CCDC3: variants seen among roughly 807,000 people sequenced by gnomAD.
CCDC3 encodes coiled-coil domain-containing protein 3.
A neutral mutation model predicts 21.4 loss-of-function variants in CCDC3; 24 were observed. The ratio of observed to expected loss-of-function variants is 1.12; its 90% confidence interval spans 0.81 to 1.58. The LOEUF is 1.58. CCDC3 is among the 40% of genes most tolerant of loss of function. CCDC3 has a pLI of 0.00. For missense variants in CCDC3, 425 were observed against 360.9 expected (o/e 1.18, Z -1.44); for synonymous variants, 186 against 166.0 (o/e 1.12, Z -0.93).
intron 5 of CCDC3, among the ~76,000 whole-genome samples, chr10:13,027,705 C>T (rs1456447285): frequency 8.7e-6 from 1 of 115,260 alleles, no homozygotes; most frequent in Non-Finnish European, 1.8e-5. Flanking sequence ...AGTGAGACTC[C>T]AATTCAAAAA....
chr10:12,932,750 G>A (rs146789012), intron 2 of CCDC3, among the ~76,000 whole-genome samples: 25 of 152,196 alleles, frequency 1.6e-4, no homozygotes, highest in African/African-American at 4.6e-4. Flanking sequence ...TGATCTTAGC[G>A]GGAAAGCTTT....
chr10:12,938,276 C>A (rs1834770663), intron 2 of CCDC3, among the ~76,000 whole-genome samples: 1 of 152,192 alleles, frequency 6.6e-6, no homozygotes, highest in South Asian at 2.1e-4. Flanking sequence ...TTGGTCACTG[C>A]TGGCTTTCTG....
intron 2 of CCDC3, among the ~76,000 whole-genome samples, chr10:12,933,554 T>C (rs1834685669): frequency 6.6e-6 from 1 of 151,150 alleles, no homozygotes; most frequent in Admixed American, 6.6e-5. Flanking sequence ...GCCTTCTGGG[T>C]TCAAGAGAGT....
At chr10:12,906,433 G>A (rs912792272) in intron 2 of CCDC3, among the ~76,000 whole-genome samples, 1 of 152,182 alleles carries the variant, frequency 6.6e-6, no homozygotes, top group Non-Finnish European at 1.5e-5. Context: ...CTTTCCATGA[G>A]GCAGCACCCG....
At chr10:12,932,809 G>A (rs1405045208) in intron 2 of CCDC3, among the ~76,000 whole-genome samples, 1 of 152,140 alleles carries the variant, frequency 6.6e-6, no homozygotes, top group Non-Finnish European at 1.5e-5. Context: ...TTTTGTAGAT[G>A]TTCTTTATGA....
intron 2 of CCDC3, among the ~76,000 whole-genome samples, chr10:12,963,689 T>G (rs1835214589): frequency 6.8e-6 from 1 of 147,206 alleles, no homozygotes; most frequent in Non-Finnish European, 1.5e-5. Context: ...CAAGTGATCC[T>G]CCGCCTCAGC....
intron 3 of CCDC3, among the ~76,000 whole-genome samples, chr10:13,085,396 T>C (rs148722169): frequency 6.6e-6 from 1 of 152,300 alleles, no homozygotes; most frequent in African/African-American, 2.4e-5. Context: ...CTAACAACAA[T>C]TCCACACCCT....
intron 2 of CCDC3, among the ~76,000 whole-genome samples, chr10:12,899,691 C>A (rs1011394979): frequency 7.2e-5 from 11 of 152,162 alleles, no homozygotes; most frequent in African/African-American, 2.4e-4. Context: ...CTGTGCAGAA[C>A]AGTGTGTATA....
intron 5 of CCDC3, among the ~76,000 whole-genome samples, chr10:13,014,976 G>A (rs1836034702): frequency 1.2e-5 from 1 of 85,180 alleles, no homozygotes; most frequent in Admixed American, 1.1e-4. Context: ...AACTGAAATT[G>A]CCAACAAACA....
intron 2 of CCDC3, among the ~76,000 whole-genome samples, chr10:12,973,512 T>C (rs1035505800): frequency 2.0e-5 from 3 of 152,142 alleles, no homozygotes; most frequent in Non-Finnish European, 4.4e-5. Context: ...TTCAGGAAAA[T>C]GTAGGAGGAG....
intron 5 of CCDC3, among the ~76,000 whole-genome samples, chr10:13,045,278 T>C (rs1836509257): frequency 6.6e-6 from 1 of 152,168 alleles, no homozygotes; most frequent in Non-Finnish European, 1.5e-5. Context: ...ATCAAAGAAA[T>C]CTCTCTGGAC....
intron 2 of CCDC3, among the ~76,000 whole-genome samples, chr10:12,969,453 AAC>A (rs1835308560): frequency 6.6e-6 from 1 of 151,964 alleles, no homozygotes. Flanking sequence ...AATATATAAC[AAC>A]ACACACCCAC....
At chr10:13,066,385 G>T (rs1347430910) in intron 4 of CCDC3, among the ~76,000 whole-genome samples, 1 of 152,182 alleles carries the variant, frequency 6.6e-6, no homozygotes, top group Non-Finnish European at 1.5e-5. Flanking sequence ...TGTTTTAGCA[G>T]ATATTTTTTG....
At chr10:13,087,142 C>G (rs1027026151) in intron 3 of CCDC3, among the ~76,000 whole-genome samples, 2 of 152,082 alleles carry the variant, frequency 1.3e-5, no homozygotes, top group African/African-American at 2.4e-5. Context: ...TGGTGGCTCA[C>G]GCCTGTAATC....
upstream of CCDC3, among the ~76,000 whole-genome samples, chr10:13,002,217 C>T (rs577684598): frequency 6.6e-6 from 1 of 152,226 alleles, no homozygotes; most frequent in South Asian, 2.1e-4. Flanking sequence ...AATCATTTGG[C>T]CCTGATTTTC....
At chr10:13,081,486 C>T (rs1337849829) in intron 3 of CCDC3, among the ~76,000 whole-genome samples, 3 of 152,170 alleles carry the variant, frequency 2.0e-5, no homozygotes, top group Non-Finnish European at 4.4e-5. Flanking sequence ...ATCATACCTG[C>T]GTCAAGAAAG....
intron 2 of CCDC3, among the ~76,000 whole-genome samples, chr10:12,978,089 G>A (rs1011306483): frequency 2.0e-5 from 3 of 151,792 alleles, no homozygotes; most frequent in African/African-American, 7.3e-5. Context: ...CACAATCTTG[G>A]CTCACTGCAA....
intron 5 of CCDC3, among the ~76,000 whole-genome samples, chr10:13,027,399 A>C (rs1423037686): frequency 6.6e-6 from 1 of 152,196 alleles, no homozygotes; most frequent in East Asian, 1.9e-4. Context: ...CATATTTATC[A>C]GGAATTTCTA....
At position 13,001,356 on chromosome 10, in the gene CCDC3, C is replaced by A. The variant is rs774835635; in HGVS notation, c.215G>T (p.Gly72Val). 1 of 1,598,266 alleles carries A rather than the reference C, an allele frequency of 6.3e-7. No homozygotes were observed. Among genetic ancestry groups the A allele is most frequent in the Non-Finnish European group, 8.5e-7 (1 of 1,173,684 alleles). The stretch of plus-strand genomic sequence containing the variant: ...CTCGACCTCGGCCGAGTAGAAGAGG[C>A]CCCCCTGGCCGGCGTGGTACTGCCA... The part of the protein sequence containing the change: ...LPWQYHAGQG[G>V]LFYSAEVEML... Residue 72 changes from glycine to valine, a missense_variant, in exon 1 of 3, where the codon GGC (glycine) becomes GTC (valine). Gly to Val is a moderately radical substitution (Grantham distance 109). Transcript: ENST00000378825.
Sources: gnomAD v4.1 joint callset for allele counts (sites outside exome capture counted in the v4.1 genomes callset) on GRCh38, gnomAD v4.1.1 for gene constraint, MANE v1.5 for transcripts, NCBI Gene and HGNC (gene_info 2026-07-23, HGNC 2026-07-21) for gene names.